The following MED13L variants were observed in gnomAD, a reference collection of about 807,000 sequenced individuals.
The protein encoded by MED13L is mediator complex subunit 13L.
In MED13L, 7 loss-of-function variants were observed where a neutral mutation model predicts 220.9. The observed-to-expected ratio is 0.03, with a 90% CI of 0.02 to 0.06. The LOEUF (loss-of-function observed/expected upper bound fraction) is 0.06, where lower values mean the gene tolerates loss of function less well. Ranked by LOEUF, MED13L falls within the 10% of genes least tolerant of loss-of-function variation. The pLI, the probability that MED13L is intolerant of heterozygous loss-of-function variation, is 1.00. For missense variants in MED13L, 1,965 were observed against 2,760.5 expected, an observed-to-expected ratio of 0.71 and a Z score of 6.46; for synonymous variants, 1,011 against 1,015.2, an observed-to-expected ratio of 1.00 and a Z score of 0.08.
At chr12:115,977,749 C>A (rs557335445) in intron 23 of MED13L, among the ~76,000 whole-genome samples, 29 of 152,292 alleles carry the variant, frequency 1.9e-4, no homozygotes, top group African/African-American at 7.0e-4. Flanking sequence ...GTAATCCCAG[C>A]ACTTTGGGAG....
chr12:116,039,509 C>G (rs1311385792), intron 4 of MED13L, among the ~76,000 whole-genome samples: 1 of 152,154 alleles, frequency 6.6e-6, no homozygotes. Context: ...GGCCTTCAAC[C>G]ATCTGCATTG....
intron 2 of MED13L, among the ~76,000 whole-genome samples, chr12:116,209,539 T>C (rs1190193426): frequency 1.3e-5 from 2 of 152,158 alleles, no homozygotes; most frequent in African/African-American, 2.4e-5. Flanking sequence ...CATTCCACAC[T>C]TCTCTGAAGC....
chr12:116,118,770 C>T (rs1023365335), intron 2 of MED13L, among the ~76,000 whole-genome samples: 2 of 152,168 alleles, frequency 1.3e-5, no homozygotes, highest in African/African-American at 4.8e-5. Context: ...GACAACACTA[C>T]TTGACCGTGT....
At chr12:116,035,510 TATATA>T (rs1320834550) in intron 4 of MED13L, among the ~76,000 whole-genome samples, 8 of 152,134 alleles carry the variant, frequency 5.3e-5, no homozygotes, top group Non-Finnish European at 7.3e-5. Flanking sequence ...TCACTTAAGC[TATATA>T]ATATATTTTG....
intron 4 of MED13L, among the ~76,000 whole-genome samples, chr12:116,095,335 T>C (rs563609105): frequency 6.6e-6 from 1 of 152,298 alleles, no homozygotes; most frequent in East Asian, 1.9e-4. Context: ...TTAAAGGATT[T>C]TGAATGTACT....
At chr12:116,259,728 G>C (rs1555227691) in intron 1 of MED13L, among the ~76,000 whole-genome samples, 1 of 150,822 alleles carries the variant, frequency 6.6e-6, no homozygotes, top group African/African-American at 2.4e-5. Context: ...GCAAAAGCAA[G>C]AAAAAAAAAT....
At chr12:116,117,417 A>G (rs1593063692) in intron 2 of MED13L, among the ~76,000 whole-genome samples, 1 of 152,122 alleles carries the variant, frequency 6.6e-6, no homozygotes, top group African/African-American at 2.4e-5. Flanking sequence ...TTACTAAATA[A>G]TGTATTATTT....
intron 2 of MED13L, chr12:116,148,539 T>C (rs894117070): frequency 3.1e-6 from 1 of 324,818 alleles, no homozygotes; most frequent in South Asian, 2.8e-5. Flanking sequence ...TGATGTCAAG[T>C]TGACAATCCA....
intron 2 of MED13L, among the ~76,000 whole-genome samples, chr12:116,154,538 C>A (rs2138106983): frequency 6.6e-6 from 1 of 152,254 alleles, no homozygotes; most frequent in South Asian, 2.1e-4. Flanking sequence ...ATCAAACTCA[C>A]CTTCTCCAGG....
At chr12:116,022,429 G>A in intron 5 of MED13L, 27 bp downstream of exon 5, 1 of 1,613,118 alleles carries the variant, frequency 6.2e-7, no homozygotes, top group South Asian at 1.1e-5. Flanking sequence ...GCGGATAGGG[G>A]TGGAGAGCAG....
At chr12:116,233,090 GAAAAAAAAAA>G (rs530903194) in intron 2 of MED13L, among the ~76,000 whole-genome samples, 1 of 82,952 alleles carries the variant, frequency 1.2e-5, no homozygotes, top group African/African-American at 4.5e-5. Context: ...CTGTCTAAAG[GAAAAAAAAAA>G]AAAAAAAAAA....
intron 4 of MED13L, among the ~76,000 whole-genome samples, chr12:116,078,195 G>A (rs554025386): frequency 8.6e-5 from 13 of 151,134 alleles, no homozygotes; most frequent in Middle Eastern, 3.5e-3. Context: ...GCTCTGCTGT[G>A]CATATGAATT....
chr12:115,982,205 TTA>T, intron 22 of MED13L, 177 bp downstream of exon 22: 1 of 637,246 alleles, frequency 1.6e-6, no homozygotes, highest in Non-Finnish European at 2.7e-6. Context: ...AGGTCTCCCA[TTA>T]TATATATGCA....
intron 2 of MED13L, among the ~76,000 whole-genome samples, chr12:116,123,799 CAGG>C (rs1273680662): frequency 6.6e-6 from 1 of 152,108 alleles, no homozygotes; most frequent in African/African-American, 2.4e-5. Context: ...GAGCATTTTA[CAGG>C]AGGCTTAGCC....
Position 116,012,843 on chromosome 12 carries a change from A to C in MED13L, c.1234T>G (p.Trp412Gly), listed in dbSNP as rs1445666010. The C allele has an allele frequency of 6.2e-7, 1 of 1,614,022 alleles. No individual in the cohort carries two copies. Among genetic ancestry groups the C allele is most frequent in the Non-Finnish European group, 8.5e-7 (1 of 1,179,886 alleles). ...CTTTGGGTTGGATCCACAAAATCCC[A>C]AGTAGCAGGATTGCTAGCAGGCTCT... Reference protein sequence around the residue: ...EEEPASNPATWDFVDPTQRVS... With the variant: ...EEEPASNPATGDFVDPTQRVS... The change falls in exon 9 of 31, where the codon TGG becomes GGG. Residue 412 changes from tryptophan (W) to glycine (G), a missense_variant. Around this residue, in one of 10 missense-constraint regions of MED13L, gnomAD observed 818 missense variants for 1,041.2 expected, o/e 0.79. Transcript: ENST00000281928.
At chr12:116,117,817 T>A (rs1359297677) in intron 2 of MED13L, among the ~76,000 whole-genome samples, 4 of 152,178 alleles carry the variant, frequency 2.6e-5, no homozygotes, top group Non-Finnish European at 4.4e-5. Context: ...GGCATTTTTT[T>A]AATTTTTTGA....
chr12:116,232,476 G>A (rs1245242833), intron 2 of MED13L, among the ~76,000 whole-genome samples: 2 of 152,060 alleles, frequency 1.3e-5, no homozygotes, highest in African/African-American at 2.4e-5. Flanking sequence ...TTTTAACTAG[G>A]CTTCAATATC....
intron 3 of MED13L, among the ~76,000 whole-genome samples, chr12:116,105,460 A>G (rs897987342): frequency 7.2e-5 from 11 of 152,252 alleles, no homozygotes; most frequent in Non-Finnish European, 1.5e-4. Context: ...AAGCACATTT[A>G]CTTTTTCAAA....
At chr12:116,207,038 G>A (rs1456696099) in intron 2 of MED13L, among the ~76,000 whole-genome samples, 1 of 151,890 alleles carries the variant, frequency 6.6e-6, no homozygotes, top group Admixed American at 6.6e-5. Context: ...TAAGAACAAA[G>A]AAAATCTCTA....
Sources: allele counts gnomAD v4.1 joint callset (sites outside exome capture counted in the v4.1 genomes callset), GRCh38; gene constraint gnomAD v4.1.1; regional missense constraint gnomAD v4.1.1; transcripts MANE v1.5; gene names NCBI Gene and HGNC (gene_info 2026-07-23, HGNC 2026-07-21).